Variants in PTPRK observed in about 807,000 individuals in gnomAD.
The protein encoded by PTPRK is protein tyrosine phosphatase receptor type K.
A neutral mutation model predicts 178.0 loss-of-function variants in PTPRK; 75 were observed. The observed-to-expected ratio is 0.42, with a 90% CI of 0.35 to 0.51. PTPRK has a LOEUF of 0.51. Ranked by LOEUF, PTPRK falls within the 20% of genes least tolerant of loss-of-function variation. The pLI is 0.02. For synonymous variants in PTPRK, 637 were observed against 620.6 expected (o/e 1.03, Z -0.39); for missense variants, 1,441 against 1,797.8 (o/e 0.80, Z 3.59).
chr6:128,189,981 AATT>A (rs1803479887), intron 6 of PTPRK, among the ~76,000 whole-genome samples: 1 of 152,174 alleles, frequency 6.6e-6, no homozygotes. Context: ...TAATTTAATA[AATT>A]CTTGAGCATT....
At chr6:128,115,133 G>C (rs1469524161) in intron 7 of PTPRK, among the ~76,000 whole-genome samples, 2 of 152,022 alleles carry the variant, frequency 1.3e-5, no homozygotes, top group Non-Finnish European at 2.9e-5. Context: ...CCAACTTCCA[G>C]CTACTGGACT....
intron 1 of PTPRK, among the ~76,000 whole-genome samples, chr6:128,412,396 T>C (rs1051052193): frequency 6.6e-6 from 1 of 152,158 alleles, no homozygotes; most frequent in Non-Finnish European, 1.5e-5. Flanking sequence ...GAAACTAAGG[T>C]AGAGAGAGCT....
chr6:128,297,322 G>T (rs1004702672), intron 3 of PTPRK, among the ~76,000 whole-genome samples: 1 of 151,890 alleles, frequency 6.6e-6, no homozygotes, highest in Non-Finnish European at 1.5e-5. Flanking sequence ...TCAATGAGAC[G>T]GAAAGTTAAC....
intron 13 of PTPRK, among the ~76,000 whole-genome samples, chr6:128,031,970 C>T (rs1775416430): frequency 6.6e-6 from 1 of 152,150 alleles, no homozygotes; most frequent in Non-Finnish European, 1.5e-5. Context: ...TCCCAAATTG[C>T]AAGTGTCACA....
chr6:128,095,527 C>T (rs999713080), intron 7 of PTPRK, among the ~76,000 whole-genome samples: 1 of 152,042 alleles, frequency 6.6e-6, no homozygotes, highest in South Asian at 2.1e-4. Flanking sequence ...TTCATTGGCC[C>T]AACCAGAAAC....
chr6:128,354,729 C>T (rs1584323830), intron 2 of PTPRK, among the ~76,000 whole-genome samples: 1 of 152,174 alleles, frequency 6.6e-6, no homozygotes, highest in African/African-American at 2.4e-5. Context: ...TATGAGGGCA[C>T]TAGTATTATT....
chr6:128,329,847 A>G (rs961978565), intron 2 of PTPRK, among the ~76,000 whole-genome samples: 1 of 152,172 alleles, frequency 6.6e-6, no homozygotes, highest in Non-Finnish European at 1.5e-5. Flanking sequence ...CGCTGAGTCT[A>G]ATTGACACAC....
chr6:128,477,933 C>A (rs926286032), intron 1 of PTPRK, among the ~76,000 whole-genome samples: 1 of 152,048 alleles, frequency 6.6e-6, no homozygotes, highest in African/African-American at 2.4e-5. Context: ...TCTCCATATG[C>A]CATTGCCACT....
intron 1 of PTPRK, among the ~76,000 whole-genome samples, chr6:128,448,494 T>C (rs1011767309): frequency 6.6e-6 from 1 of 152,300 alleles, no homozygotes; most frequent in African/African-American, 2.4e-5. Context: ...TGCTAAACTA[T>C]AAAGATCTTA....
chr6:128,257,142 A>G (rs949348833), intron 3 of PTPRK, among the ~76,000 whole-genome samples: 2 of 151,432 alleles, frequency 1.3e-5, no homozygotes, highest in Non-Finnish European at 2.9e-5. Context: ...AGGCAGGAGA[A>G]TTGCTTGAAC....
chr6:128,307,050 A>G (rs1826493335), intron 3 of PTPRK, among the ~76,000 whole-genome samples: 1 of 151,926 alleles, frequency 6.6e-6, no homozygotes, highest in South Asian at 2.1e-4. Context: ...GGGGAGTAAG[A>G]AAGTGTGAGA....
At chr6:128,067,889 AC>A in intron 11 of PTPRK, 97 bp from the exon 12 acceptor site, 1 of 1,130,390 alleles carries the variant, frequency 8.8e-7, no homozygotes, top group Non-Finnish European at 1.2e-6. Context: ...CTATTAACAC[AC>A]CACATTTCAA....
At chr6:128,006,131 A>C in intron 14 of PTPRK, 1 of 1,026,844 alleles carries the variant, frequency 9.7e-7, no homozygotes, top group Admixed American at 2.8e-5. Context: ...ACATTCAATA[A>C]AGCAGAAAAA....
At chr6:128,087,716 T>G (rs1207642864) in intron 8 of PTPRK, among the ~76,000 whole-genome samples, 2 of 152,146 alleles carry the variant, frequency 1.3e-5, no homozygotes, top group African/African-American at 4.8e-5. Context: ...AAAAGCACAT[T>G]CATCATAAAT....
rs371662096 is a variant in PTPRK, at chr6:128,210,368, G to GAA, written c.868+8552_868+8553dup. 5.7e-3 allele frequency among the ~76,000 whole-genome samples: 689 copies of GAA among 119,836 alleles called. 7 individuals are homozygous for GAA. The highest frequency in any genetic ancestry group is 0.014 in the African/African-American group (506 of 35,164). 78.6% of individuals were successfully genotyped at this position (119,836 alleles called of 152,430 possible). A position where few individuals can be genotyped will look rare whatever the true frequency, so the allele number is the denominator to read the frequency against. On this transcript the variant is annotated intron_variant, in intron 6 of 29. Coordinates refer to ENST00000368226, the MANE Select transcript of PTPRK (RefSeq NM_002844.4). ...AACTTTGACCTAAATAACTCCGGAG[G>GAA]AAAAAAAAAAAACAGTAAAACAAAA...
At chr6:128,091,566 T>C (rs1043351021) in intron 7 of PTPRK, among the ~76,000 whole-genome samples, 1 of 152,202 alleles carries the variant, frequency 6.6e-6, no homozygotes, top group African/African-American at 2.4e-5. Context: ...GATTCAGCCA[T>C]ATCTTGTTCT....
At chr6:128,089,202 G>T (rs1218537298) in intron 8 of PTPRK, among the ~76,000 whole-genome samples, 2 of 152,186 alleles carry the variant, frequency 1.3e-5, no homozygotes, top group Non-Finnish European at 2.9e-5. Context: ...GACCTCAGGT[G>T]ATCCACCTGC....
chr6:128,050,044 G>C (rs1778738415), intron 13 of PTPRK, among the ~76,000 whole-genome samples: 1 of 152,140 alleles, frequency 6.6e-6, no homozygotes, highest in Admixed American at 6.5e-5. Context: ...GCCGAGGCAG[G>C]AGAATTGCTT....
intron 7 of PTPRK, among the ~76,000 whole-genome samples, chr6:128,174,759 C>T (rs566849439): frequency 6.6e-6 from 1 of 151,824 alleles, no homozygotes; most frequent in Non-Finnish European, 1.5e-5. Flanking sequence ...AAGATTTGAA[C>T]CTAGACTTTA....
Sources: allele counts gnomAD v4.1 joint callset (sites outside exome capture counted in the v4.1 genomes callset), GRCh38; gene constraint gnomAD v4.1.1; transcripts MANE v1.5; gene names NCBI Gene and HGNC (gene_info 2026-07-23, HGNC 2026-07-21).